Variants in USP6NL observed in about 807,000 individuals in gnomAD.
USP6NL encodes USP6 N-terminal-like protein.
A neutral mutation model predicts 61.9 loss-of-function variants in USP6NL; 26 were observed. That is an observed-to-expected ratio of 0.42 (90% confidence interval 0.31 to 0.58). The LOEUF (loss-of-function observed/expected upper bound fraction) is 0.58. USP6NL is among the 20% of genes least tolerant of loss of function. The probability of loss-of-function intolerance (pLI) is 0.16; values close to 1 mark genes in which losing one functional copy is unlikely to be tolerated. For synonymous variants in USP6NL, 432 were observed against 390.1 expected, an observed-to-expected ratio of 1.11 and a Z score of -1.27; for missense variants, 1,114 against 1,034.3, an observed-to-expected ratio of 1.08 and a Z score of -1.06.
rs1042206227 is a variant in USP6NL at position 11,585,488 on chromosome 10, C to A, written c.4+12143G>T. ...CCATCCTGGCTAACACAGTGAAACCCCGTGTCTACTAAAAATACAAAAAAT... is the reference window on the plus strand; with the variant it reads ...CCATCCTGGCTAACACAGTGAAACCACGTGTCTACTAAAAATACAAAAAAT... On this transcript the variant is annotated intron_variant, in intron 2 of 14. Coordinates refer to ENST00000609104, the MANE Select transcript of USP6NL (RefSeq NM_014688.5). This position sits in a 1 kb window ranked among gnomAD's most constrained non-coding sequence, Gnocchi z 4.5. 6.6e-6 allele frequency among the ~76,000 whole-genome samples: 1 copy of A among 152,024 alleles called. No homozygotes were observed. The highest frequency in any genetic ancestry group is 2.1e-4 in the South Asian group (1 of 4,822).
chr10:11,505,141 T>C (rs1834380496), intron 6 of USP6NL, among the ~76,000 whole-genome samples: 1 of 152,090 alleles, frequency 6.6e-6, no homozygotes, highest in African/African-American at 2.4e-5. Context: ...TAATCCTGTG[T>C]GAGAGATGGA....
chr10:11,531,267 C>T (rs1028671872), intron 2 of USP6NL, among the ~76,000 whole-genome samples: 1 of 152,030 alleles, frequency 6.6e-6, no homozygotes, highest in African/African-American at 2.4e-5. Flanking sequence ...AGAAAAAGTT[C>T]CTATTATTAA....
intron 14 of USP6NL, among the ~76,000 whole-genome samples, chr10:11,467,095 G>A (rs189710223): frequency 6.6e-6 from 1 of 152,172 alleles, no homozygotes; most frequent in East Asian, 1.9e-4. Context: ...CCCATGTGAC[G>A]CCATCCACAA....
intron 2 of USP6NL, among the ~76,000 whole-genome samples, chr10:11,556,852 A>G (rs1487368405): frequency 6.6e-6 from 1 of 152,254 alleles, no homozygotes; most frequent in African/African-American, 2.4e-5. Flanking sequence ...AGAGACACTT[A>G]GAACTCTAAC....
In USP6NL at chr10:11,462,378, T is replaced by A; in HGVS notation, c.*63A>T. 6.5e-7 allele frequency: 1 copy of A among 1,533,262 alleles called. No individual in the cohort carries two copies. Among genetic ancestry groups the A allele is most frequent in the Non-Finnish European group, 8.8e-7 (1 of 1,138,046 alleles). 95.0% of individuals were successfully genotyped at this position (1,533,262 alleles called of 1,614,324 possible). On this transcript the variant is annotated 3_prime_UTR_variant, in exon 15 of 15. Transcript: ENST00000609104. ...AGTATAAATACTGCTTTGGCAATTATGAACATAGCAATGTAGGTTTCACGT... is the reference window on the plus strand; with the variant it reads ...AGTATAAATACTGCTTTGGCAATTAAGAACATAGCAATGTAGGTTTCACGT...
At chr10:11,568,068 A>C (rs990720551) in intron 2 of USP6NL, among the ~76,000 whole-genome samples, 2 of 152,022 alleles carry the variant, frequency 1.3e-5, no homozygotes, top group South Asian at 4.2e-4. Context: ...AAATCTCTAA[A>C]AGCTAGTCAC....
At chr10:11,549,539 T>C (rs2133483266) in intron 2 of USP6NL, among the ~76,000 whole-genome samples, 1 of 152,332 alleles carries the variant, frequency 6.6e-6, no homozygotes, top group South Asian at 2.1e-4. Context: ...AAACTCTTTT[T>C]AAATGTGAAC....
rs1397394078 is a variant in USP6NL at position 11,562,465 on chromosome 10, G to C, written c.5-34898C>G. The C allele has an allele frequency of 1.0e-6, 1 of 985,204 alleles. No homozygotes were observed. The highest frequency in any genetic ancestry group is 1.7e-5 in the African/African-American group (1 of 57,194). The allele number at this position is 985,204 out of a possible 1,614,324, so 61.0% of individuals were successfully genotyped here. A position where few individuals can be genotyped will look rare whatever the true frequency, so the allele number is the denominator to read the frequency against. On this transcript the variant is annotated intron_variant, in intron 2 of 14. Transcript: ENST00000609104. This position sits in a 1 kb window ranked among gnomAD's most constrained non-coding sequence, Gnocchi z 4.8. Reference sequence around the variant, plus strand: ...GACGCAGCAGTCATCACGTATCTCTGAGGACAAGGATTAAGTGTGGCTGAG... The same window carrying C: ...GACGCAGCAGTCATCACGTATCTCTCAGGACAAGGATTAAGTGTGGCTGAG...
In USP6NL at chr10:11,600,829, G is replaced by A. The variant is rs747314166; in HGVS notation, c.-83-3112C>T. Among the ~76,000 whole-genome samples the A allele has an allele frequency of 2.3e-4, 35 of 152,226 alleles. No individual in the cohort carries two copies. The highest frequency in any genetic ancestry group is 6.0e-4 in the African/African-American group (25 of 41,540). On this transcript the variant is annotated intron_variant, in intron 1 of 14. Transcript: ENST00000609104. The surrounding 1 kb of genome is among the most constrained non-coding windows in gnomAD (Gnocchi z 4.1). ...CTAAAAATATAAAAATTAGCTGGGC[G>A]TGGTGGCAGCCGCCTGTAATGCCAG...
At chr10:11,573,398 T>G in intron 2 of USP6NL, 1 of 370,412 alleles carries the variant, frequency 2.7e-6, no homozygotes, top group Non-Finnish European at 4.8e-6. Context: ...CTTAATAATA[T>G]CCCCCTAATT....
At chr10:11,538,855 G>A (rs889717778) in intron 2 of USP6NL, among the ~76,000 whole-genome samples, 3 of 152,184 alleles carry the variant, frequency 2.0e-5, no homozygotes, top group African/African-American at 7.2e-5. Context: ...GGAAGATGAA[G>A]TGCTCGAGAG....
chr10:11,547,796 T>TC (rs764406531), intron 2 of USP6NL, among the ~76,000 whole-genome samples: 1 of 152,000 alleles, frequency 6.6e-6, no homozygotes, highest in Non-Finnish European at 1.5e-5. Context: ...CGCCTTGGCC[T>TC]CCCCAAAGTG....
intron 3 of USP6NL, 47 bp downstream of exon 3, chr10:11,527,448 TATATG>T: frequency 2.0e-6 from 3 of 1,504,020 alleles, no homozygotes; most frequent in Non-Finnish European, 2.7e-6. Context: ...CATTTCTATT[TATATG>T]GTTTTTCTAA....
intron 8 of USP6NL, among the ~76,000 whole-genome samples, chr10:11,492,278 C>T (rs1380632677): frequency 1.3e-5 from 2 of 152,182 alleles, no homozygotes; most frequent in Admixed American, 6.5e-5. Context: ...CAGTGGTTGG[C>T]TTTGGGTGTC....
At position 11,462,454 on chromosome 10, in the gene USP6NL, G is replaced by C; in HGVS notation, c.2474C>G (p.Ser825Ter). ...RNRDGLSIQESVLL is the reference protein window; with the variant it reads ...RNRDGLSIQE ...ACACGTCAAATCTCACAGCAACACTGACTCTTGGATGGAAAGCCCGTCCCG... is the reference window on the plus strand; with the variant it reads ...ACACGTCAAATCTCACAGCAACACTCACTCTTGGATGGAAAGCCCGTCCCG... Residue 825 changes from serine (S) to a stop codon, truncating the protein, a stop_gained, in exon 15 of 15, where the codon TCA (serine) becomes TGA (stop). Coordinates refer to ENST00000609104, the MANE Select transcript of USP6NL (RefSeq NM_014688.5). LOFTEE classifies it high-confidence loss of function. 5 of 1,613,250 alleles carry C rather than the reference G, an allele frequency of 3.1e-6. No individual in the cohort carries two copies. The highest frequency in any genetic ancestry group is 4.2e-6 in the Non-Finnish European group (5 of 1,179,644).
intron 1 of USP6NL, among the ~76,000 whole-genome samples, chr10:11,610,944 G>C (rs1588431625): frequency 6.6e-6 from 1 of 152,226 alleles, no homozygotes; most frequent in East Asian, 1.9e-4. Flanking sequence ...TGCAAACTTT[G>C]CAAAGGCGCA....
At chr10:11,536,280 A>C (rs550935408) in intron 2 of USP6NL, among the ~76,000 whole-genome samples, 12 of 152,186 alleles carry the variant, frequency 7.9e-5, no homozygotes, top group African/African-American at 1.9e-4. Flanking sequence ...TTATTGGGAG[A>C]TCATCTAGAA....
chr10:11,559,576 T>C (rs1179621643), intron 2 of USP6NL, among the ~76,000 whole-genome samples: 1 of 152,122 alleles, frequency 6.6e-6, no homozygotes, highest in Non-Finnish European at 1.5e-5. Flanking sequence ...AACATACATA[T>C]ATATATATCA....
intron 1 of USP6NL, among the ~76,000 whole-genome samples, chr10:11,606,666 G>C (rs531914161): frequency 6.6e-6 from 1 of 151,598 alleles, no homozygotes; most frequent in Admixed American, 6.6e-5. Flanking sequence ...TAAAGGAATA[G>C]TACAAGAATA....
Sources: gnomAD v4.1 joint callset for allele counts (sites outside exome capture counted in the v4.1 genomes callset) on GRCh38, gnomAD v4.1.1 for gene constraint, Gnocchi (gnomAD v3.1) non-coding constraint, MANE v1.5 for transcripts, NCBI Gene and HGNC (gene_info 2026-07-23, HGNC 2026-07-21) for gene names.